The following PHF19 variants were observed in gnomAD, a reference collection of about 807,000 sequenced individuals.
The protein encoded by PHF19 is PHD finger protein 19.
In PHF19, 21 loss-of-function variants were observed where a neutral mutation model predicts 79.8. That is an observed-to-expected ratio of 0.26 (90% confidence interval 0.19 to 0.38). The LOEUF is 0.38. Among genes scored for constraint, PHF19 ranks in the 10% least tolerant of loss-of-function variants. The probability of loss-of-function intolerance (pLI) is 1.00; values close to 1 mark genes in which losing one functional copy is unlikely to be tolerated. For synonymous variants in PHF19, 273 were observed against 296.3 expected (o/e 0.92, Z 0.81); for missense variants, 445 against 744.2 (o/e 0.60, Z 4.68).
chr9:120,892,333 G>A (rs373512347), intron 1 of PHF19, among the ~76,000 whole-genome samples: 4 of 152,108 alleles, frequency 2.6e-5, no homozygotes, highest in African/African-American at 4.8e-5. Flanking sequence ...GGGCCAGCAC[G>A]GAGTAGGAGT....
chr9:120,877,595 T>C (rs551309929), upstream of PHF19, among the ~76,000 whole-genome samples: 2 of 151,938 alleles, frequency 1.3e-5, no homozygotes, highest in South Asian at 4.1e-4. Context: ...GAAACACAGC[T>C]CTGCGCGCAG....
chr9:120,876,679 G>A (rs996392259), intron 1 of PHF19, among the ~76,000 whole-genome samples: 2 of 151,236 alleles, frequency 1.3e-5, no homozygotes, highest in Admixed American at 6.5e-5. Context: ...ATGTTCAGGA[G>A]GGGGGAAAAA....
Position 120,870,084 on chromosome 9 carries a change from GTGCC to G in PHF19, c.365-143_365-140del. ...CCAGCTGCCGGGAGCCTGGCTGCTG[GTGCC>G]CACCAAGATGGCCAAGTCAGTGTCC... is the stretch of plus-strand genomic sequence containing the variant. On this transcript the variant is annotated intron_variant, in intron 4 of 14. Coordinates refer to ENST00000373896, the MANE Select transcript of PHF19 (RefSeq NM_015651.3). The surrounding 1 kb of genome is among the most constrained non-coding windows in gnomAD (Gnocchi z 4.4). 7.7e-7 allele frequency: 1 copy of G among 1,294,574 alleles called. No homozygotes were observed. Among genetic ancestry groups the G allele is most frequent in the Non-Finnish European group, 1.0e-6 (1 of 952,942 alleles). The allele number at this position is 1,294,574 out of a possible 1,614,324, so 80.2% of individuals were successfully genotyped here.
upstream of PHF19, among the ~76,000 whole-genome samples, chr9:120,880,939 G>A (rs568875354): frequency 6.2e-4 from 94 of 152,240 alleles, no homozygotes; most frequent in Non-Finnish European, 8.5e-4. Context: ...CAGCCTGGGT[G>A]ACAGAGAGAG....
In PHF19 at chr9:120,858,020, T is replaced by A. The variant is rs1338683145; in HGVS notation, c.1667A>T (p.Gln556Leu). The A allele has an allele frequency of 1.2e-6, 2 of 1,614,132 alleles. No individual in the cohort carries two copies. Among genetic ancestry groups the A allele is most frequent in the Non-Finnish European group, 1.7e-6 (2 of 1,179,960 alleles). ...AGGTGTGACCCTCCGAGCCAACACC[T>A]GGTACTTCTCCCCACAGGCCAACCG... ...AGRLACGEKYQVLARRVTPEG... is the reference protein window; with the variant it reads ...AGRLACGEKYLVLARRVTPEG... The change falls in exon 15 of 15, where the codon CAG becomes CTG. Residue 556 changes from glutamine to leucine, a missense_variant. Coordinates refer to ENST00000373896, the MANE Select transcript of PHF19 (RefSeq NM_015651.3).
chr9:120,893,705 G>C (rs1466936813), intron 1 of PHF19, among the ~76,000 whole-genome samples: 1 of 152,350 alleles, frequency 6.6e-6, no homozygotes, highest in South Asian at 2.1e-4. Context: ...ACTGAATGTA[G>C]TGTCTGGGGC....
intron 3 of PHF19, among the ~76,000 whole-genome samples, chr9:120,871,645 AT>A (rs1440526038): frequency 2.6e-5 from 4 of 152,316 alleles, no homozygotes; most frequent in African/African-American, 9.6e-5. Flanking sequence ...AAGAATAAAT[AT>A]GTTTTTATGT....
intron 1 of PHF19, chr9:120,876,335 G>C (rs1198172829): frequency 1.3e-5 from 2 of 152,260 alleles, no homozygotes; most frequent in Non-Finnish European, 2.9e-5. Context: ...CCAGGGGCCA[G>C]GCCGGGGCCG....
At chr9:120,893,464 T>C (rs1382554113) in intron 1 of PHF19, among the ~76,000 whole-genome samples, 2 of 152,230 alleles carry the variant, frequency 1.3e-5, no homozygotes, top group Non-Finnish European at 2.9e-5. Context: ...CTAAAGACCC[T>C]GTCCTGTCTG....
Position 120,873,853 on chromosome 9 carries a change from T to G in PHF19, c.268+126A>C. ...ATTTGATCATCATCACAGGTGGGCT[T>G]GGGGTTCATGGTCAAGGGCAGATGC... On this transcript the variant is annotated intron_variant, in intron 3 of 14. Transcript: ENST00000373896. 3 of 650,300 alleles carry G rather than the reference T, an allele frequency of 4.6e-6. No individual in the cohort carries two copies. The South Asian group carries it at 5.4e-5, about 12-fold the overall frequency. The allele number at this position is 650,300 out of a possible 1,614,324, so 40.3% of individuals were successfully genotyped here.
rs2045681247 is a variant in PHF19 at position 120,865,803 on chromosome 9, A to T, written c.807T>A (p.Tyr269Ter). The T allele has an allele frequency of 6.2e-7, 1 of 1,614,028 alleles. No individual in the cohort carries two copies. The highest frequency in any genetic ancestry group is 8.5e-7 in the Non-Finnish European group (1 of 1,180,000). ...RWVDVVHLAL[Y>*]NLGVQSKKKY... is the part of the protein sequence containing the mutation. The stretch of plus-strand genomic sequence containing the variant: ...TCTTCTTGCTCTGTACCCCCAGATT[A>T]TAGAGGGCCAGGTGAACCACATCCA... Residue 269 changes from tyrosine (Y) to a stop codon, truncating the protein, a stop_gained, in exon 9 of 15, where the codon TAT becomes TAA. Transcript: ENST00000373896. LOFTEE classifies it high-confidence loss of function.
chr9:120,885,577 T>C (rs10818481), intron 1 of PHF19, among the ~76,000 whole-genome samples: 101,121 of 146,424 alleles, frequency 0.69, 35,040 homozygotes, highest in Middle Eastern at 0.81. Context: ...GACTCTATCT[T>C]GGAAAAAAAA....
At chr9:120,903,284 A>C in the PHF19 span, 1 of 152,264 alleles carries the variant, frequency 6.6e-6, no homozygotes, top group East Asian at 1.9e-4. Context: ...CTAGTGCTCC[A>C]TTATTGCAGT....
At chr9:120,897,204 G>A (rs1044362015), upstream of PHF19, among the ~76,000 whole-genome samples, 4 of 152,266 alleles carry the variant, frequency 2.6e-5, no homozygotes, top group African/African-American at 9.6e-5. Context: ...CATTGGCAGG[G>A]AGATGGCAGT....
upstream of PHF19, among the ~76,000 whole-genome samples, chr9:120,895,989 G>T (rs2046398220): frequency 2.6e-5 from 4 of 152,136 alleles, no homozygotes; most frequent in Admixed American, 2.6e-4. Flanking sequence ...TGTATGGTGT[G>T]TGAATTGCAT....
Position 120,891,427 on chromosome 9 carries a change from T to G in PHF19, c.42+3361A>C, listed in dbSNP as rs1235859833. On this transcript the variant is annotated intron_variant, in intron 1 of 14. Transcript: ENST00000616568. This position sits in a 1 kb window ranked among gnomAD's most constrained non-coding sequence, Gnocchi z 4.3. ...TGGGATCACCCCGGGAACCTTAACATGCTGATGCCTGTGTTCTTATCTTCA... is the reference window on the plus strand; with the variant it reads ...TGGGATCACCCCGGGAACCTTAACAGGCTGATGCCTGTGTTCTTATCTTCA... Among the ~76,000 whole-genome samples the G allele has an allele frequency of 2.0e-5, 3 of 152,180 alleles. No individual in the cohort carries two copies. Among genetic ancestry groups the G allele is most frequent in the African/African-American group, 7.2e-5 (3 of 41,448 alleles).
chr9:120,872,027 G>T, intron 3 of PHF19, among the ~76,000 whole-genome samples: 1 of 83,054 alleles, frequency 1.2e-5, no homozygotes, highest in African/African-American at 5.0e-5. Context: ...GACAGAGCAA[G>T]ACTCTGTCTC....
the PHF19 span, chr9:120,903,132 A>G: frequency 2.0e-5 from 3 of 152,262 alleles, no homozygotes; most frequent in Admixed American, 6.5e-5. Flanking sequence ...CATGTGTGAC[A>G]TCCAGCTGTC....
chr9:120,883,409 C>T (rs1187104462), intron 1 of PHF19, among the ~76,000 whole-genome samples: 1 of 152,204 alleles, frequency 6.6e-6, no homozygotes, highest in Non-Finnish European at 1.5e-5. Flanking sequence ...AGGCACCATG[C>T]TAGGAATGAC....
Sources: allele counts gnomAD v4.1 joint callset (sites outside exome capture counted in the v4.1 genomes callset), GRCh38; gene constraint gnomAD v4.1.1; non-coding constraint Gnocchi (gnomAD v3.1); transcripts MANE v1.5; gene names NCBI Gene and HGNC (gene_info 2026-07-23, HGNC 2026-07-21).